Variants in ZFHX3 observed in about 807,000 individuals in gnomAD.
ZFHX3 encodes zinc finger homeobox 3, also known as zinc finger homeobox protein 3.
Under a neutral mutation model 279.1 loss-of-function variants are expected in ZFHX3, and 42 were observed. The observed-to-expected ratio is 0.15, with a 90% CI of 0.12 to 0.19. The LOEUF (loss-of-function observed/expected upper bound fraction) is 0.19, where lower values mean the gene tolerates loss of function less well. ZFHX3 is among the 10% of genes least tolerant of loss of function. The pLI, the probability that ZFHX3 is intolerant of heterozygous loss-of-function variation, is 1.00. For missense variants in ZFHX3, 4,981 were observed against 4,754.0 expected, an observed-to-expected ratio of 1.05 and a Z score of -1.40; for synonymous variants, 2,293 against 1,957.8, an observed-to-expected ratio of 1.17 and a Z score of -4.52.
intron 3 of ZFHX3, among the ~76,000 whole-genome samples, chr16:72,948,610 C>T (rs916100304): frequency 1.4e-4 from 21 of 152,232 alleles, no homozygotes; most frequent in East Asian, 3.9e-4. Context: ...AGACTCCAGC[C>T]GCACGGAGGA....
intron 5 of ZFHX3, among the ~76,000 whole-genome samples, chr16:73,205,998 AT>A (rs2011787248): frequency 6.6e-6 from 1 of 152,204 alleles, no homozygotes; most frequent in Admixed American, 6.5e-5. Flanking sequence ...ACAAATCGCA[AT>A]TTGAGGTTTT....
intron 1 of ZFHX3, among the ~76,000 whole-genome samples, chr16:73,724,522 C>A (rs907118966): frequency 2.6e-5 from 4 of 152,166 alleles, no homozygotes; most frequent in Non-Finnish European, 5.9e-5. Context: ...GGCTGTCTGG[C>A]CTAACTTGCT....
intron 4 of ZFHX3, among the ~76,000 whole-genome samples, chr16:72,884,978 A>G (rs1359913305): frequency 6.6e-6 from 1 of 152,244 alleles, no homozygotes; most frequent in Non-Finnish European, 1.5e-5. Flanking sequence ...GGTCTTGCAG[A>G]AAAAACACTC....
chr16:73,417,825 T>A (rs1436017382), intron 3 of ZFHX3, among the ~76,000 whole-genome samples: 1 of 148,556 alleles, frequency 6.7e-6, no homozygotes, highest in Admixed American at 6.7e-5. Flanking sequence ...AAAAAATAAA[T>A]AAAAAAATAA....
intron 4 of ZFHX3, among the ~76,000 whole-genome samples, chr16:73,290,042 CACACACACAT>C (rs146925292): frequency 0.19 from 25,894 of 138,220 alleles, 2,527 homozygotes; most frequent in Middle Eastern, 0.26. Context: ...CACACACACA[CACACACACAT>C]ATAGACATTT....
chr16:72,793,578 G>A lies in ZFHX3; in HGVS notation c.9104C>T (p.Ala3035Val), dbSNP rs987079415. The A allele has an allele frequency of 6.2e-7, 1 of 1,614,188 alleles. No homozygotes were observed. Among genetic ancestry groups the A allele is most frequent in the African/African-American group, 1.3e-5 (1 of 75,036 alleles). Residue 3035 changes from alanine (A) to valine (V), a missense_variant, in exon 9 of 10, where the codon GCT becomes GTT. Coordinates refer to ENST00000268489, the MANE Select transcript of ZFHX3 (RefSeq NM_006885.4). The surrounding 1 kb of genome is among the most constrained non-coding windows in gnomAD (Gnocchi z 4.3). ...ECTLCGIKYS[A>V]RLSVRDHIFS... ...GATATGGTCACGTACAGACAGCCGA[G>A]CGCTGTACTTGATGCCACACAAAGT...
chr16:73,711,454 T>C (rs975607764), intron 1 of ZFHX3, among the ~76,000 whole-genome samples: 5 of 152,176 alleles, frequency 3.3e-5, no homozygotes, highest in Non-Finnish European at 7.3e-5. Flanking sequence ...AGAGAGACTT[T>C]ATAAATGCAA....
chr16:73,022,708 C>G (rs899573317), intron 1 of ZFHX3, among the ~76,000 whole-genome samples: 2 of 152,098 alleles, frequency 1.3e-5, no homozygotes, highest in Non-Finnish European at 1.5e-5. Flanking sequence ...GCAGGTAACA[C>G]AAATGAGCGA....
intron 2 of ZFHX3, among the ~76,000 whole-genome samples, chr16:73,635,995 C>T (rs1439088962): frequency 1.3e-5 from 2 of 152,132 alleles, no homozygotes; most frequent in Admixed American, 6.5e-5. Context: ...CTTAGCATCA[C>T]CATTGACCTC....
intron 3 of ZFHX3, among the ~76,000 whole-genome samples, chr16:73,410,130 C>T (rs910430542): frequency 4.6e-5 from 7 of 152,086 alleles, no homozygotes; most frequent in African/African-American, 9.7e-5. Context: ...AAAATAACTG[C>T]AAGAGGCAGG....
At chr16:73,823,562 C>T (rs1161146806) in intron 1 of ZFHX3, among the ~76,000 whole-genome samples, 1 of 152,184 alleles carries the variant, frequency 6.6e-6, no homozygotes, top group Non-Finnish European at 1.5e-5. Context: ...GCCCCCAGGC[C>T]AAATTGTGCC....
At chr16:73,650,332 C>G (rs539761569) in intron 2 of ZFHX3, among the ~76,000 whole-genome samples, 1 of 149,976 alleles carries the variant, frequency 6.7e-6, no homozygotes, top group Non-Finnish European at 1.5e-5. Context: ...TTGCCCTAAG[C>G]GCATTTTCCA....
At chr16:73,628,238 T>G (rs1238907799) in intron 2 of ZFHX3, among the ~76,000 whole-genome samples, 1 of 152,204 alleles carries the variant, frequency 6.6e-6, no homozygotes, top group African/African-American at 2.4e-5. Context: ...CTTTTAAAAA[T>G]TACTAGGTGA....
chr16:72,872,957 A>G (rs750716848), intron 4 of ZFHX3, among the ~76,000 whole-genome samples: 20 of 152,204 alleles, frequency 1.3e-4, no homozygotes, highest in Non-Finnish European at 2.6e-4. Flanking sequence ...CTGAACTCCC[A>G]CAACAGCCTG....
intron 5 of ZFHX3, among the ~76,000 whole-genome samples, chr16:73,220,104 AAAAAAGAAAAAG>A (rs1401634671): frequency 1.3e-5 from 2 of 150,562 alleles, no homozygotes; most frequent in African/African-American, 5.0e-5. Flanking sequence ...AAAAAATTAA[AAAAAAGAAAAAG>A]AAAAAGAAAA....
chr16:73,373,923 T>C (rs1177824166), intron 3 of ZFHX3, among the ~76,000 whole-genome samples: 2 of 152,238 alleles, frequency 1.3e-5, no homozygotes, highest in Non-Finnish European at 2.9e-5. Flanking sequence ...CTAAAATAAA[T>C]GCTATGTTAT....
At chr16:73,485,065 A>G (rs979138820) in intron 2 of ZFHX3, among the ~76,000 whole-genome samples, 4 of 152,236 alleles carry the variant, frequency 2.6e-5, no homozygotes, top group African/African-American at 4.8e-5. Flanking sequence ...AGGGTAAAGA[A>G]AGAAGTAATG....
At chr16:72,878,499 G>C (rs1369145987) in intron 4 of ZFHX3, among the ~76,000 whole-genome samples, 1 of 152,190 alleles carries the variant, frequency 6.6e-6, no homozygotes, top group East Asian at 1.9e-4. Context: ...TTGGACATTA[G>C]GAAAACCATG....
intron 5 of ZFHX3, among the ~76,000 whole-genome samples, chr16:73,229,303 T>C (rs1274667003): frequency 6.6e-6 from 1 of 152,208 alleles, no homozygotes; most frequent in Non-Finnish European, 1.5e-5. Flanking sequence ...CCATTGTTCT[T>C]GGAGCTAAAG....
Sources: allele counts gnomAD v4.1 joint callset (sites outside exome capture counted in the v4.1 genomes callset), GRCh38; gene constraint gnomAD v4.1.1; non-coding constraint Gnocchi (gnomAD v3.1); transcripts MANE v1.5; gene names NCBI Gene and HGNC (gene_info 2026-07-23, HGNC 2026-07-21).